Variants in DYNC2H1 observed in about 807,000 individuals in gnomAD.
The protein encoded by DYNC2H1 is cytoplasmic dynein 2 heavy chain 1.
Under a neutral mutation model 570.0 loss-of-function variants are expected in DYNC2H1, and 410 were observed. The observed-to-expected ratio is 0.72, with a 90% CI of 0.66 to 0.78. The LOEUF (loss-of-function observed/expected upper bound fraction) is 0.78, where lower values mean the gene tolerates loss of function less well. DYNC2H1 is among the 30% of genes least tolerant of loss of function. The pLI, the probability that DYNC2H1 is intolerant of heterozygous loss-of-function variation, is 0.00. For synonymous variants in DYNC2H1, 1,688 were observed against 1,677.6 expected (o/e 1.01, Z -0.15); for missense variants, 4,865 against 5,046.4 (o/e 0.96, Z 1.09).
intron 11 of DYNC2H1, 49 bp from the exon 12 acceptor site, chr11:103,125,051 A>T (rs1362891719): frequency 6.9e-7 from 1 of 1,452,676 alleles, no homozygotes; most frequent in Non-Finnish European, 9.5e-7. Context: ...TTTATTAGTC[A>T]AAACAGTGAG....
chr11:103,117,112 G>A (rs1018819953), intron 5 of DYNC2H1, among the ~76,000 whole-genome samples: 15 of 149,546 alleles, frequency 1.0e-4, no homozygotes, highest in African/African-American at 2.9e-4. Context: ...ATTTATTGCA[G>A]CATTGTTTGT....
rs943916014 is a variant in DYNC2H1, at chr11:103,145,542, T to A, written c.2702+2147T>A. Among the ~76,000 whole-genome samples the A allele has an allele frequency of 1.3e-5, 2 of 152,158 alleles. No individual in the cohort carries two copies. The highest frequency in any genetic ancestry group is 4.8e-5 in the African/African-American group (2 of 41,448). ...TTACTATAGATAGCTTTCCTATTTA[T>A]GATCCTTGCCAAAAGAAAAAAAAAT... On this transcript the variant is annotated intron_variant, in intron 18 of 88. Coordinates refer to ENST00000375735, the MANE Select transcript of DYNC2H1 (RefSeq NM_001377.3). This position sits in a 1 kb window ranked among gnomAD's most constrained non-coding sequence, Gnocchi z 4.2.
Position 103,286,297 on chromosome 11 carries a change from G to A in DYNC2H1, c.10933G>A (p.Ala3645Thr). The A allele has an allele frequency of 6.2e-7, 1 of 1,613,726 alleles. No homozygotes were observed. The highest frequency in any genetic ancestry group is 8.5e-7 in the Non-Finnish European group (1 of 1,179,774). Residue 3645 changes from alanine to threonine, a missense_variant, in exon 74 of 89, where the codon GCA becomes ACA. By Grantham distance (58) the Ala-to-Thr change is moderately conservative. Around this residue, in one of 5 missense-constraint regions of DYNC2H1, gnomAD observed 2,401 missense variants for 2,454.6 expected, o/e 0.98. Coordinates refer to ENST00000375735, the MANE Select transcript of DYNC2H1 (RefSeq NM_001377.3). ...TTATCAGACCCTCTGCTTTGAAGAT[G>A]CAGCTCTGTGGCGTACTTATTATAA... ...SLYQTLCFED[A>T]ALWRTYYNNS... is the part of the protein sequence containing the mutation.
chr11:103,375,252 G>A (rs774183066), intron 83 of DYNC2H1, among the ~76,000 whole-genome samples: 4 of 152,216 alleles, frequency 2.6e-5, no homozygotes, highest in Admixed American at 6.5e-5. Context: ...AGGGTGTATG[G>A]TAATAGATGG....
chr11:103,138,392 G>A (rs146020200), intron 17 of DYNC2H1, among the ~76,000 whole-genome samples: 94 of 151,812 alleles, frequency 6.2e-4, no homozygotes, highest in African/African-American at 2.2e-3. Flanking sequence ...ATTATTTTGA[G>A]ATACATCTCA....
intron 83 of DYNC2H1, among the ~76,000 whole-genome samples, chr11:103,358,774 A>T (rs1001735113): frequency 1.3e-5 from 2 of 152,150 alleles, no homozygotes; most frequent in African/African-American, 4.8e-5. Flanking sequence ...TAAAATGTAT[A>T]TACATAGTAC....
chr11:103,182,932 AGCGATGCAAGTGAGGTG>A (rs1321457048), intron 40 of DYNC2H1, among the ~76,000 whole-genome samples: 2 of 151,870 alleles, frequency 1.3e-5, no homozygotes, highest in Admixed American at 6.6e-5. Context: ...TTGTGAGGAT[AGCGATGCAAGTGAGGTG>A]GGTTTTCCTG....
rs376809429 is a variant in DYNC2H1 at position 103,260,430 on chromosome 11, G to A, written c.10695+453G>A. 8.3e-4 allele frequency among the ~76,000 whole-genome samples: 126 copies of A among 152,252 alleles called. 3 individuals carry two copies. Among genetic ancestry groups the A allele is most frequent in the African/African-American group, 2.9e-3 (121 of 41,550 alleles). On this transcript the variant is annotated intron_variant, in intron 70 of 88. Coordinates refer to ENST00000375735, the MANE Select transcript of DYNC2H1 (RefSeq NM_001377.3). ...AAAATGTCTGTGGACATTGTCCAAT[G>A]TCTCTGGGGTTGAGGAACAAAATTA...
rs535649443 is a variant in DYNC2H1 at position 103,135,521 on chromosome 11, A to G, written c.2232A>G (p.Ala744=). The G allele has an allele frequency of 6.3e-7, 1 of 1,581,822 alleles. No homozygotes were observed. Among genetic ancestry groups the G allele is most frequent in the Non-Finnish European group, 8.6e-7 (1 of 1,165,950 alleles). The change falls in exon 16 of 89, where the codon GCA becomes GCG. Residue 744 remains alanine, a synonymous_variant. Coordinates refer to ENST00000375735, the MANE Select transcript of DYNC2H1 (RefSeq NM_001377.3). ...GATTCCAAGCAAGTGACATGCATGCATGGAAACAACACTGGAATCATCAAC... is the reference window on the plus strand; with the variant it reads ...GATTCCAAGCAAGTGACATGCATGCGTGGAAACAACACTGGAATCATCAAC... ...AQGFQASDMH[A]WKQHWNHQLY...
At chr11:103,121,249 G>C in intron 9 of DYNC2H1, 123 bp from the exon 10 acceptor site, 1 of 1,167,460 alleles carries the variant, frequency 8.6e-7, no homozygotes, top group East Asian at 2.6e-5. Context: ...ACAGTCCTTG[G>C]GGATAAGGAC....
intron 70 of DYNC2H1, among the ~76,000 whole-genome samples, chr11:103,279,488 A>G (rs963009068): frequency 6.6e-6 from 1 of 151,614 alleles, no homozygotes; most frequent in East Asian, 1.9e-4. Context: ...CTTTCTTTTT[A>G]TTTTGTCTTT....
chr11:103,130,294 G>A (rs949154593), intron 13 of DYNC2H1, among the ~76,000 whole-genome samples: 1 of 152,120 alleles, frequency 6.6e-6, no homozygotes, highest in Non-Finnish European at 1.5e-5. Context: ...TCTTATCAGA[G>A]TGGTAGGAAC....
intron 70 of DYNC2H1, among the ~76,000 whole-genome samples, chr11:103,269,279 T>G (rs982112116): frequency 3.9e-5 from 6 of 152,206 alleles, no homozygotes; most frequent in Non-Finnish European, 8.8e-5. Flanking sequence ...AGAGTTTCAG[T>G]GATTAATAAA....
Position 103,209,771 on chromosome 11 carries a change from C to A in DYNC2H1, c.8455-105C>A. On this transcript the variant is annotated intron_variant, in intron 52 of 88. Coordinates refer to ENST00000375735, the MANE Select transcript of DYNC2H1 (RefSeq NM_001377.3). This position sits in a 1 kb window ranked among gnomAD's most constrained non-coding sequence, Gnocchi z 4.2. ...TTTGTCTCTTAGTCTGGAATGAATC[C>A]TAGAAGAAAAGTACAATCAATACTG... 1.2e-6 allele frequency: 1 copy of A among 849,202 alleles called. No homozygotes were observed. Among genetic ancestry groups the A allele is most frequent in the Non-Finnish European group, 1.6e-6 (1 of 625,158 alleles). 52.6% of individuals were successfully genotyped at this position (849,202 alleles called of 1,614,324 possible). A position where few individuals can be genotyped will look rare whatever the true frequency, so the allele number is the denominator to read the frequency against.
chr11:103,273,007 G>A (rs1453941953), intron 70 of DYNC2H1, among the ~76,000 whole-genome samples: 2 of 151,382 alleles, frequency 1.3e-5, no homozygotes, highest in African/African-American at 2.4e-5. Context: ...ATCTGATAAA[G>A]CAAAAATAGA....
In DYNC2H1 at chr11:103,137,220, C is replaced by T. The variant is rs778574615; in HGVS notation, c.2574+1272C>T. On this transcript the variant is annotated intron_variant, in intron 17 of 88. Coordinates refer to ENST00000375735, the MANE Select transcript of DYNC2H1 (RefSeq NM_001377.3). ...TAGTTTCTTTTGCTGTGCAGAAGCT[C>T]TTTAGTTGAATTAGATCCCATTTGT... Among the ~76,000 whole-genome samples, 1,189 of 148,758 alleles carry T rather than the reference C, an allele frequency of 8.0e-3. 14 individuals are homozygous for T. The highest frequency in any genetic ancestry group is 0.013 in the Admixed American group (189 of 14,844).
intron 17 of DYNC2H1, among the ~76,000 whole-genome samples, chr11:103,136,340 C>A (rs1164454967): frequency 2.0e-5 from 3 of 151,614 alleles, no homozygotes; most frequent in Non-Finnish European, 2.9e-5. Context: ...TCGTCATTTA[C>A]CATTAGGTAT....
chr11:103,252,599 T>C lies in DYNC2H1; in HGVS notation c.10043-686T>C, dbSNP rs568457974. Among the ~76,000 whole-genome samples the C allele has an allele frequency of 2.0e-5, 3 of 152,332 alleles. No individual in the cohort carries two copies. The highest frequency in any genetic ancestry group is 6.5e-5 in the Admixed American group (1 of 15,300). ...ATTTGCATTTCCTCATGATAAGTGA[T>C]GTTGAGCATCGTTTCATATAGCTGT... On this transcript the variant is annotated intron_variant, in intron 65 of 88. Transcript: ENST00000375735. This position sits in a 1 kb window ranked among gnomAD's most constrained non-coding sequence, Gnocchi z 4.6.
intron 46 of DYNC2H1, among the ~76,000 whole-genome samples, chr11:103,191,838 G>A (rs72989769): frequency 0.023 from 3,508 of 151,868 alleles, 55 homozygotes; most frequent in Middle Eastern, 0.037. Flanking sequence ...TTATATTTGA[G>A]GCAAAGCATA....
Sources: allele counts gnomAD v4.1 joint callset (sites outside exome capture counted in the v4.1 genomes callset), GRCh38; gene constraint gnomAD v4.1.1; regional missense constraint gnomAD v4.1.1; non-coding constraint Gnocchi (gnomAD v3.1); transcripts MANE v1.5; gene names NCBI Gene and HGNC (gene_info 2026-07-23, HGNC 2026-07-21).